RPS6KC1: variants seen among roughly 807,000 people sequenced by gnomAD.
The protein encoded by RPS6KC1 is ribosomal protein S6 kinase C1.
In RPS6KC1, 54 loss-of-function variants were observed where a neutral mutation model predicts 103.8. That is an observed-to-expected ratio of 0.52 (90% CI 0.42 to 0.65). The LOEUF (loss-of-function observed/expected upper bound fraction) is 0.65, where lower values mean the gene tolerates loss of function less well. Ranked by LOEUF, RPS6KC1 falls within the 30% of genes least tolerant of loss-of-function variation. The pLI is 0.00. For missense variants in RPS6KC1, 1,151 were observed against 1,253.8 expected, an observed-to-expected ratio of 0.92 and a Z score of 1.24; for synonymous variants, 439 against 438.7, an observed-to-expected ratio of 1.00 and a Z score of -0.01.
chr1:213,565,107 G>A, the RPS6KC1 span, among the ~76,000 whole-genome samples: 12 of 152,098 alleles, frequency 7.9e-5, no homozygotes, highest in African/African-American at 2.4e-4. Flanking sequence ...CCACCAGAAA[G>A]GTTAAATTTT....
chr1:213,619,753 C>T, the RPS6KC1 span, among the ~76,000 whole-genome samples: 1 of 152,156 alleles, frequency 6.6e-6, no homozygotes, highest in Non-Finnish European at 1.5e-5. Flanking sequence ...CTAGCATCTG[C>T]TTTTTTGCAA....
the RPS6KC1 span, among the ~76,000 whole-genome samples, chr1:213,306,581 C>T: frequency 3.2e-4 from 49 of 152,128 alleles, no homozygotes; most frequent in South Asian, 4.1e-4. Context: ...ACTTATATTT[C>T]GAGATACAAA....
At chr1:213,739,776 C>A in the RPS6KC1 span, among the ~76,000 whole-genome samples, 1 of 152,174 alleles carries the variant, frequency 6.6e-6, no homozygotes, top group Non-Finnish European at 1.5e-5. Context: ...TGTACCCAGG[C>A]AAATCTTCAG....
the RPS6KC1 span, among the ~76,000 whole-genome samples, chr1:213,814,681 A>T: frequency 6.6e-6 from 1 of 152,226 alleles, no homozygotes; most frequent in African/African-American, 2.4e-5. Context: ...AGGGCTTTAC[A>T]TGCATTAACT....
chr1:213,464,832 G>A, the RPS6KC1 span, among the ~76,000 whole-genome samples: 1 of 151,622 alleles, frequency 6.6e-6, no homozygotes, highest in Non-Finnish European at 1.5e-5. Flanking sequence ...ATATTTTTAT[G>A]GATAGAGGGT....
the RPS6KC1 span, among the ~76,000 whole-genome samples, chr1:213,411,070 G>A: frequency 1.6e-4 from 24 of 152,240 alleles, no homozygotes; most frequent in Admixed American, 5.9e-4. Flanking sequence ...AAGCAAGGAG[G>A]GGTGACAGGA....
At chr1:213,220,203 A>G (rs2093794318) in intron 8 of RPS6KC1, among the ~76,000 whole-genome samples, 2 of 152,188 alleles carry the variant, frequency 1.3e-5, no homozygotes, top group South Asian at 4.1e-4. Flanking sequence ...AACAATTTTT[A>G]TGGTACATTA....
intron 8 of RPS6KC1, among the ~76,000 whole-genome samples, chr1:213,216,660 T>A (rs1184541912): frequency 6.6e-6 from 1 of 150,576 alleles, no homozygotes; most frequent in Non-Finnish European, 1.5e-5. Flanking sequence ...ACAGAAATTA[T>A]AACAAACTGT....
chr1:213,151,730 A>C (rs1191980060), intron 6 of RPS6KC1, among the ~76,000 whole-genome samples: 1 of 87,798 alleles, frequency 1.1e-5, no homozygotes, highest in African/African-American at 4.7e-5. Context: ...CGGGGGGCTG[A>C]CCCCCCCACC....
intron 5 of RPS6KC1, among the ~76,000 whole-genome samples, chr1:213,127,850 T>A (rs991102591): frequency 2.0e-5 from 3 of 152,168 alleles, no homozygotes; most frequent in Non-Finnish European, 2.9e-5. Flanking sequence ...TTCGAAGATC[T>A]TTATAACTAA....
chr1:213,247,938 A>G (rs932357691), intron 12 of RPS6KC1, among the ~76,000 whole-genome samples: 9 of 152,212 alleles, frequency 5.9e-5, no homozygotes, highest in Admixed American at 4.6e-4. Context: ...TCATGTAGAA[A>G]TAAGGGATTT....
At chr1:213,643,592 G>T in the RPS6KC1 span, among the ~76,000 whole-genome samples, 1 of 151,478 alleles carries the variant, frequency 6.6e-6, no homozygotes, top group Non-Finnish European at 1.5e-5. Context: ...AGTAATGACT[G>T]TTTTTATTTC....
the RPS6KC1 span, among the ~76,000 whole-genome samples, chr1:213,686,094 A>G: frequency 6.6e-6 from 1 of 152,146 alleles, no homozygotes; most frequent in African/African-American, 2.4e-5. Flanking sequence ...CTTAGGCCAT[A>G]ATTGCTCACT....
At chr1:213,323,513 C>T in the RPS6KC1 span, among the ~76,000 whole-genome samples, 6 of 152,092 alleles carry the variant, frequency 3.9e-5, no homozygotes, top group South Asian at 2.1e-4. Context: ...TCCCCCTTTC[C>T]GTGATCATTT....
chr1:213,524,367 T>G, the RPS6KC1 span, among the ~76,000 whole-genome samples: 2 of 151,790 alleles, frequency 1.3e-5, no homozygotes, highest in African/African-American at 4.8e-5. Flanking sequence ...ATGGATCTCA[T>G]CAGCCAGGTC....
chr1:213,714,435 C>G, the RPS6KC1 span, among the ~76,000 whole-genome samples: 1 of 152,182 alleles, frequency 6.6e-6, no homozygotes, highest in African/African-American at 2.4e-5. Flanking sequence ...TTCTCAATGT[C>G]TATTTATCCT....
the RPS6KC1 span, among the ~76,000 whole-genome samples, chr1:213,574,909 G>T: frequency 0.015 from 2,242 of 152,242 alleles, 26 homozygotes; most frequent in South Asian, 0.032. Context: ...GAACACAATG[G>T]TGTCCATGAC....
At chr1:213,704,101 A>T in the RPS6KC1 span, among the ~76,000 whole-genome samples, 1 of 152,144 alleles carries the variant, frequency 6.6e-6, no homozygotes, top group Non-Finnish European at 1.5e-5. Context: ...AAAAACTCTG[A>T]TGTAGGCCGG....
At chr1:213,652,162 G>A in the RPS6KC1 span, among the ~76,000 whole-genome samples, 4 of 151,954 alleles carry the variant, frequency 2.6e-5, no homozygotes, top group African/African-American at 9.7e-5. Flanking sequence ...ATGTCTTTTC[G>A]ATAGACTGGA....
Sources: allele counts gnomAD v4.1 joint callset (sites outside exome capture counted in the v4.1 genomes callset), GRCh38; gene constraint gnomAD v4.1.1; transcripts MANE v1.5; gene names NCBI Gene and HGNC (gene_info 2026-07-23, HGNC 2026-07-21).